Variants in HOXB4 observed in about 807,000 individuals in gnomAD.
HOXB4 encodes homeobox B4, also known as homeobox protein Hox-B4.
HOXB4 carries 13 observed loss-of-function variants against 20.0 expected under a neutral mutation model. The ratio of observed to expected loss-of-function variants is 0.65; its 90% confidence interval spans 0.42 to 1.03. The LOEUF (loss-of-function observed/expected upper bound fraction) is 1.03. HOXB4 is among the 50% of genes least tolerant of loss of function. The probability of loss-of-function intolerance (pLI) is 0.00; values close to 1 mark genes in which losing one functional copy is unlikely to be tolerated. For missense variants in HOXB4, 343 were observed against 357.1 expected (o/e 0.96, Z 0.32); for synonymous variants, 173 against 148.9 (o/e 1.16, Z -1.18).
chr17:48,577,792 C>A (rs1567963817), intron 1 of HOXB4, 71 bp downstream of exon 1: 1 of 1,282,288 alleles, frequency 7.8e-7, no homozygotes. Context: ...CCCCCCCCAA[C>A]CCATGCCTCC....
Position 48,576,650 on chromosome 17 carries a change from T to TGCCCC in HOXB4, c.*71_*72insGGGGC. The TGCCCC allele has an allele frequency of 1.4e-5, 8 of 567,758 alleles. No individual in the cohort carries two copies. Among genetic ancestry groups the TGCCCC allele is most frequent in the East Asian group, 1.0e-4 (2 of 19,330 alleles). The allele number at this position is 567,758 out of a possible 1,614,324, so 35.2% of individuals were successfully genotyped here. ...GCCCAGGCCCCAGGGCCCCCTCCTG[T>TGCCCC]CCCCCCACCCCATCCCCTGCACTCA... is the stretch of plus-strand genomic sequence containing the variant. On this transcript the variant is annotated 3_prime_UTR_variant, in exon 2 of 2. Coordinates refer to ENST00000332503, the MANE Select transcript of HOXB4 (RefSeq NM_024015.5).
rs372443829 is a variant in HOXB4, at chr17:48,577,029, A to T, written c.458-9T>A. ...GGCGTAATTGGGGTTTACTGGACAC[A>T]CACGGAGAGAGGGAGAAAGAGAAAG... On this transcript the variant is annotated splice_polypyrimidine_tract_variant and intron_variant, in intron 1 of 1. Coordinates refer to ENST00000332503, the MANE Select transcript of HOXB4 (RefSeq NM_024015.5). 6.4e-7 allele frequency: 1 copy of T among 1,573,030 alleles called. No homozygotes were observed. The highest frequency in any genetic ancestry group is 8.6e-7 in the Non-Finnish European group (1 of 1,158,974).
chr17:48,578,122 C>T lies in HOXB4; in HGVS notation c.198G>A (p.Ala66=). 1 of 1,369,874 alleles carries T rather than the reference C, an allele frequency of 7.3e-7. No homozygotes were observed. Among genetic ancestry groups the T allele is most frequent in the Non-Finnish European group, 9.6e-7 (1 of 1,044,408 alleles). 84.9% of individuals were successfully genotyped at this position (1,369,874 alleles called of 1,614,324 possible). The change falls in exon 1 of 2, where the codon GCG becomes GCA. Residue 66 remains alanine, a synonymous_variant. Transcript: ENST00000332503. Reference sequence around the variant, plus strand: ...GCGGGGGCCCAGGGTCCCGGCAGGCCGCGTAGCGCTGCACGGTGCACGCCG... The same window carrying T: ...GCGGGGGCCCAGGGTCCCGGCAGGCTGCGTAGCGCTGCACGGTGCACGCCG... The part of the protein sequence containing the change: ...RRAACTVQRY[A]ACRDPGPPPP...
chr17:48,577,117 T>C (rs2069791000), intron 1 of HOXB4, 97 bp from the exon 2 acceptor site: 1 of 1,216,306 alleles, frequency 8.2e-7, no homozygotes, highest in Non-Finnish European at 1.1e-6. Context: ...CCTCCCTCCC[T>C]CTCCCGCCAC....
intron 1 of HOXB4, among the ~76,000 whole-genome samples, 174 bp downstream of exon 1, chr17:48,577,689 G>A (rs1597852699): frequency 6.6e-6 from 1 of 152,180 alleles, no homozygotes; most frequent in Admixed American, 6.5e-5. Flanking sequence ...AAAATTTATG[G>A]GGGATGTAAT....
At chr17:48,577,259 G>A (rs2144887570) in intron 1 of HOXB4, among the ~76,000 whole-genome samples, 1 of 152,228 alleles carries the variant, frequency 6.6e-6, no homozygotes, top group South Asian at 2.1e-4. Context: ...GGGGAAGGGG[G>A]GCGTGTGAGG....
chr17:48,578,170 CG>C lies in HOXB4; in HGVS notation c.149del (p.Pro50ArgfsTer101). 6.2e-7 allele frequency: 1 copy of C among 1,608,762 alleles called. No homozygotes were observed. Among genetic ancestry groups the C allele is most frequent in the Non-Finnish European group, 8.5e-7 (1 of 1,177,148 alleles). ...GGQRRESSFQ[P>X]EAGFGRRAAC... ...CCGCGCGCCGCCCGAAGCCCGCCTC[CG>C]GCTGGAAGCTGCTCTCTCGCCTCTG... is the stretch of plus-strand genomic sequence containing the variant. On this transcript the variant is annotated frameshift_variant, in exon 1 of 2. Coordinates refer to ENST00000332503, the MANE Select transcript of HOXB4 (RefSeq NM_024015.5). LOFTEE classifies it high-confidence loss of function.
rs1221681783 is a variant in HOXB4 at position 48,576,674 on chromosome 17, C to T, written c.*48G>A. The T allele has an allele frequency of 1.3e-5, 15 of 1,154,102 alleles. No individual in the cohort carries two copies. The highest frequency in any genetic ancestry group is 1.7e-5 in the Non-Finnish European group (14 of 844,642). 71.5% of individuals were successfully genotyped at this position (1,154,102 alleles called of 1,614,324 possible). A position where few individuals can be genotyped will look rare whatever the true frequency, so the allele number is the denominator to read the frequency against. The stretch of plus-strand genomic sequence containing the variant: ...GTCCCCCCACCCCATCCCCTGCACT[C>T]ACTGCCCACCCCCACCCCGAGGTTC... On this transcript the variant is annotated 3_prime_UTR_variant, in exon 2 of 2. Coordinates refer to ENST00000332503, the MANE Select transcript of HOXB4 (RefSeq NM_024015.5).
At position 48,576,686 on chromosome 17, in the gene HOXB4, C is replaced by T. The variant is rs764371963; in HGVS notation, c.*36G>A. 4.6e-6 allele frequency: 7 copies of T among 1,535,240 alleles called. No individual in the cohort carries two copies. The highest frequency in any genetic ancestry group is 6.1e-6 in the Non-Finnish European group (7 of 1,142,502). Reference sequence around the variant, plus strand: ...CATCCCCTGCACTCACTGCCCACCCCCACCCCGAGGTTCGTGGCTCCCGCG... The same window carrying T: ...CATCCCCTGCACTCACTGCCCACCCTCACCCCGAGGTTCGTGGCTCCCGCG... On this transcript the variant is annotated 3_prime_UTR_variant, in exon 2 of 2. Coordinates refer to ENST00000332503, the MANE Select transcript of HOXB4 (RefSeq NM_024015.5).
chr17:48,577,450 C>T (rs1019484762), intron 1 of HOXB4, among the ~76,000 whole-genome samples: 1 of 152,204 alleles, frequency 6.6e-6, no homozygotes, highest in Non-Finnish European at 1.5e-5. Flanking sequence ...GCTCACTTCT[C>T]CAGCCAAGGA....
Position 48,578,090 on chromosome 17 carries a change from G to A in HOXB4, c.230C>T (p.Pro77Leu). 9.2e-7 allele frequency: 1 copy of A among 1,088,312 alleles called. No homozygotes were observed. 67.4% of individuals were successfully genotyped at this position (1,088,312 alleles called of 1,614,324 possible). Reference sequence around the variant, plus strand: ...TGGCGGGGGCGGCGGGGGTGGTGGCGGAGGCGGCGGGGGCCCAGGGTCCCG... The same window carrying A: ...TGGCGGGGGCGGCGGGGGTGGTGGCAGAGGCGGCGGGGGCCCAGGGTCCCG... ...ACRDPGPPPP[P>L]PPPPPPPPPP... Residue 77 changes from proline to leucine, a missense_variant, in exon 1 of 2, where the codon CCG (proline) becomes CTG (leucine). By Grantham distance (98) the Pro-to-Leu change is moderately conservative. Transcript: ENST00000332503.
Position 48,576,898 on chromosome 17 carries a change from C to A in HOXB4, c.580G>T (p.Glu194Ter). ...NRYLTRRRRV[E>*]IAHALCLSER... ...GAGAGGCAGAGCGCGTGGGCGATCT[C>A]CACCCTCCGGCGCCGTGTCAGGTAG... Residue 194 changes from glutamate to a stop codon, truncating the protein, a stop_gained, in exon 2 of 2, where the codon GAG (glutamate) becomes TAG (stop). Transcript: ENST00000332503. LOFTEE classifies it high-confidence loss of function. 1.2e-6 allele frequency: 2 copies of A among 1,614,242 alleles called. No homozygotes were observed. The highest frequency in any genetic ancestry group is 1.7e-6 in the Non-Finnish European group (2 of 1,180,038).
intron 1 of HOXB4, 75 bp downstream of exon 1, chr17:48,577,788 C>T (rs1015184357): frequency 1.6e-6 from 2 of 1,272,822 alleles, no homozygotes; most frequent in Admixed American, 3.4e-5. Context: ...CAACCCCCCC[C>T]CAACCCATGC....
At position 48,576,666 on chromosome 17, in the gene HOXB4, C is replaced by T; in HGVS notation, c.*56G>A. 1 of 1,270,142 alleles carries T rather than the reference C, an allele frequency of 7.9e-7. No individual in the cohort carries two copies. Among genetic ancestry groups the T allele is most frequent in the Non-Finnish European group, 1.1e-6 (1 of 936,408 alleles). The allele number at this position is 1,270,142 out of a possible 1,614,324, so 78.7% of individuals were successfully genotyped here. On this transcript the variant is annotated 3_prime_UTR_variant, in exon 2 of 2. Coordinates refer to ENST00000332503, the MANE Select transcript of HOXB4 (RefSeq NM_024015.5). Reference sequence around the variant, plus strand: ...CCCCTCCTGTCCCCCCACCCCATCCCCTGCACTCACTGCCCACCCCCACCC... The same window carrying T: ...CCCCTCCTGTCCCCCCACCCCATCCTCTGCACTCACTGCCCACCCCCACCC...
Position 48,576,872 on chromosome 17 carries a change from G to C in HOXB4, c.606C>G (p.Ser202=), listed in dbSNP as rs761031489. ...GGAACCAGATCTTGATCTGGCGCTC[G>C]GAGAGGCAGAGCGCGTGGGCGATCT... ...RVEIAHALCL[S]ERQIKIWFQN... Residue 202 remains serine (S), a synonymous_variant, in exon 2 of 2, where the codon TCC becomes TCG. Transcript: ENST00000332503. 3.1e-6 allele frequency: 5 copies of C among 1,614,098 alleles called. No individual in the cohort carries two copies. Among genetic ancestry groups the C allele is most frequent in the South Asian group, 2.2e-5 (2 of 91,090 alleles).
chr17:48,577,080 C>CT, intron 1 of HOXB4, 60 bp from the exon 2 acceptor site: 1 of 1,461,892 alleles, frequency 6.8e-7, no homozygotes, highest in Non-Finnish European at 9.2e-7. Context: ...AAGAGAGAGT[C>CT]CTTTCTTCCA....
Position 48,578,241 on chromosome 17 carries a change from C to A in HOXB4, c.79G>T (p.Asp27Tyr). 1 of 1,614,034 alleles carries A rather than the reference C, an allele frequency of 6.2e-7. No homozygotes were observed. The highest frequency in any genetic ancestry group is 8.5e-7 in the Non-Finnish European group (1 of 1,179,950). ...FPPCEEYSQSDYLPSDHSPGY... is the reference protein window; with the variant it reads ...FPPCEEYSQSYYLPSDHSPGY... ...GGCGAGTGGTCGCTGGGTAGGTAAT[C>A]GCTCTGTGAATATTCCTCGCATGGA... The change falls in exon 1 of 2, where the codon GAT (aspartate) becomes TAT (tyrosine). Residue 27 changes from aspartate (D) to tyrosine (Y), a missense_variant. Physicochemically the swap from Asp to Tyr is radical, Grantham distance 160. This residue lies in a region of HOXB4 where 241 missense variants were observed against 222.0 expected (regional missense o/e 1.09). Coordinates refer to ENST00000332503, the MANE Select transcript of HOXB4 (RefSeq NM_024015.5).
In HOXB4 at chr17:48,576,814, T is replaced by C. The variant is rs931949435; in HGVS notation, c.664A>G (p.Lys222Glu). 6.2e-6 allele frequency: 10 copies of C among 1,614,066 alleles called. No individual in the cohort carries two copies. Among genetic ancestry groups the C allele is most frequent in the East Asian group, 2.2e-5 (1 of 44,884 alleles). The change falls in exon 2 of 2, where the codon AAG becomes GAG. Residue 222 changes from lysine (K) to glutamate (E), a missense_variant. This residue lies in a region of HOXB4 where 48 missense variants were observed against 44.8 expected (regional missense o/e 1.07). Transcript: ENST00000332503. ...GAGCGGATCTTGGTGTTGGGCAACT[T>C]GTGGTCTTTTTTCCACTTCATGCGC... ...NRRMKWKKDH[K>E]LPNTKIRSGG...
intron 1 of HOXB4, among the ~76,000 whole-genome samples, chr17:48,577,557 C>T (rs774421057): frequency 1.3e-5 from 2 of 152,218 alleles, no homozygotes; most frequent in Non-Finnish European, 2.9e-5. Flanking sequence ...CCTCCACCTC[C>T]TCCACCCCTC....
Sources: gnomAD v4.1 joint callset for allele counts (sites outside exome capture counted in the v4.1 genomes callset) on GRCh38, gnomAD v4.1.1 for gene constraint, gnomAD v4.1.1 regional missense constraint, MANE v1.5 for transcripts, NCBI Gene and HGNC (gene_info 2026-07-23, HGNC 2026-07-21) for gene names.